The following FRMD4A variants were observed in gnomAD, a reference collection of about 807,000 sequenced individuals.
The protein encoded by FRMD4A is FERM domain-containing protein 4A.
Under a neutral mutation model 129.1 loss-of-function variants are expected in FRMD4A, and 29 were observed. The ratio of observed to expected loss-of-function variants is 0.22; its 90% CI spans 0.17 to 0.31. FRMD4A has a LOEUF of 0.31. Among genes scored for constraint, FRMD4A ranks in the 10% least tolerant of loss-of-function variants. The pLI is 1.00. For missense variants in FRMD4A, 1,272 were observed against 1,375.8 expected, an observed-to-expected ratio of 0.92 and a Z score of 1.19; for synonymous variants, 634 against 571.6, an observed-to-expected ratio of 1.11 and a Z score of -1.56.
chr10:14,167,623 C>CAATGGAT (rs1841257300), intron 2 of FRMD4A, among the ~76,000 whole-genome samples: 1 of 148,144 alleles, frequency 6.8e-6, no homozygotes, highest in Admixed American at 6.7e-5. Context: ...TTGCAAAAGG[C>CAATGGAT]AATGGATAAA....
chr10:13,847,180 G>A lies in FRMD4A; in HGVS notation c.111+11667C>T, dbSNP rs373979914. Among the ~76,000 whole-genome samples, 227 of 152,258 alleles carry A rather than the reference G, an allele frequency of 1.5e-3. 4 individuals are homozygous for A. Among genetic ancestry groups the A allele is most frequent in the African/African-American group, 5.2e-3 (218 of 41,550 alleles). ...AGGAGGAGTAGGAATGATGGGCTTC[G>A]GTTGCCATGAGGTGCTGGGGCTGCC... is the stretch of plus-strand genomic sequence containing the variant. On this transcript the variant is annotated intron_variant, in intron 3 of 24. Transcript: ENST00000357447.
chr10:14,124,153 A>T (rs759346564), intron 2 of FRMD4A, among the ~76,000 whole-genome samples: 5 of 152,140 alleles, frequency 3.3e-5, no homozygotes, highest in African/African-American at 4.8e-5. Context: ...GGGCCTCTTT[A>T]TTCAAGCACA....
At chr10:13,730,441 C>T (rs925506850) in intron 12 of FRMD4A, among the ~76,000 whole-genome samples, 12 of 152,140 alleles carry the variant, frequency 7.9e-5, no homozygotes, top group African/African-American at 1.9e-4. Flanking sequence ...ATGTTGCTAT[C>T]GACAGTCATT....
intron 2 of FRMD4A, among the ~76,000 whole-genome samples, chr10:13,888,461 G>T (rs566582143): frequency 3.3e-5 from 5 of 152,140 alleles, no homozygotes; most frequent in Non-Finnish European, 7.4e-5. Context: ...GGGGTGAACC[G>T]ATAAAAATGC....
intron 2 of FRMD4A, among the ~76,000 whole-genome samples, chr10:14,070,637 T>A (rs1588906885): frequency 6.6e-6 from 1 of 152,176 alleles, no homozygotes; most frequent in Non-Finnish European, 1.5e-5. Flanking sequence ...GCTTCTTTGG[T>A]CTGTTATCTA....
chr10:14,092,145 G>A (rs1016904629), intron 2 of FRMD4A, among the ~76,000 whole-genome samples: 20 of 151,986 alleles, frequency 1.3e-4, no homozygotes, highest in African/African-American at 3.6e-4. Context: ...GTGGTCCCAA[G>A]CTTCACACTC....
At chr10:13,950,673 C>T (rs763079042) in intron 2 of FRMD4A, among the ~76,000 whole-genome samples, 1 of 152,194 alleles carries the variant, frequency 6.6e-6, no homozygotes, top group Non-Finnish European at 1.5e-5. Context: ...TGTCTTCCCT[C>T]TCTTCCCACC....
intron 12 of FRMD4A, among the ~76,000 whole-genome samples, chr10:13,715,268 G>T (rs931393448): frequency 6.6e-5 from 10 of 152,030 alleles, no homozygotes; most frequent in Non-Finnish European, 1.0e-4. Context: ...AAAACGAGGG[G>T]GTGTGTGGGC....
intron 2 of FRMD4A, among the ~76,000 whole-genome samples, chr10:13,961,747 T>G (rs1164754197): frequency 6.6e-6 from 1 of 152,220 alleles, no homozygotes; most frequent in Non-Finnish European, 1.5e-5. Context: ...CCAATTTTAA[T>G]TTGACTTGAA....
At chr10:13,704,979 T>C (rs1197290758) in intron 13 of FRMD4A, among the ~76,000 whole-genome samples, 2 of 150,134 alleles carry the variant, frequency 1.3e-5, no homozygotes, top group East Asian at 3.9e-4. Context: ...GAGGCTGAGG[T>C]GGGAGAATTG....
intron 3 of FRMD4A, among the ~76,000 whole-genome samples, chr10:13,824,999 T>C (rs7918601): frequency 0.23 from 34,761 of 151,812 alleles, 4,414 homozygotes; most frequent in East Asian, 0.48. Flanking sequence ...CAGTCATTTT[T>C]CCCTCATTCC....
At chr10:14,122,819 T>C (rs1838605941) in intron 2 of FRMD4A, among the ~76,000 whole-genome samples, 1 of 152,144 alleles carries the variant, frequency 6.6e-6, no homozygotes, top group Non-Finnish European at 1.5e-5. Context: ...TCAGGGTTTA[T>C]AGCGATGTTT....
chr10:14,287,618 A>G (rs1365501093), intron 2 of FRMD4A, among the ~76,000 whole-genome samples: 1 of 152,208 alleles, frequency 6.6e-6, no homozygotes, highest in Admixed American at 6.5e-5. Context: ...AGTCACCAGC[A>G]ACGCTTATAA....
In FRMD4A at chr10:13,750,088, G is replaced by T. The variant is rs1018619036; in HGVS notation, c.465-2269C>A. Among the ~76,000 whole-genome samples, 399 of 78,924 alleles carry T rather than the reference G, an allele frequency of 5.1e-3. 6 individuals carry two copies. Among genetic ancestry groups the T allele is most frequent in the African/African-American group, 0.019 (370 of 19,330 alleles). The allele number at this position is 78,924 out of a possible 152,430, so 51.8% of individuals were successfully genotyped here. On this transcript the variant is annotated intron_variant, in intron 8 of 24. Transcript: ENST00000357447. ...AGGAAGGAAGAAAGAAAGAAAGAAA[G>T]AAAGAAAGAAAGAAAGAAATGAAGA...
chr10:13,910,823 T>C (rs1384422046), intron 2 of FRMD4A, among the ~76,000 whole-genome samples: 1 of 144,552 alleles, frequency 6.9e-6, no homozygotes, highest in Admixed American at 7.2e-5. Flanking sequence ...TTTTGCCCCG[T>C]GCATGTACCA....
At chr10:13,925,662 C>A (rs560894327) in intron 2 of FRMD4A, among the ~76,000 whole-genome samples, 1 of 137,492 alleles carries the variant, frequency 7.3e-6, no homozygotes, top group South Asian at 2.4e-4. Context: ...CGGCTCACTG[C>A]AACTTCCGCC....
At chr10:13,666,662 C>G (rs2083063581) in intron 17 of FRMD4A, among the ~76,000 whole-genome samples, 1 of 152,140 alleles carries the variant, frequency 6.6e-6, no homozygotes, top group Non-Finnish European at 1.5e-5. Flanking sequence ...AGATTCAGAG[C>G]CCAAGTGACT....
At chr10:13,746,427 A>G (rs1027107264) in intron 9 of FRMD4A, among the ~76,000 whole-genome samples, 1 of 151,698 alleles carries the variant, frequency 6.6e-6, no homozygotes, top group Admixed American at 6.6e-5. Flanking sequence ...GTTGGCCAGG[A>G]TGGTCTCGAT....
intron 12 of FRMD4A, among the ~76,000 whole-genome samples, chr10:13,736,505 G>T (rs898843107): frequency 6.6e-6 from 1 of 152,212 alleles, no homozygotes; most frequent in Admixed American, 6.5e-5. Context: ...CATTTGCTCA[G>T]CATCTTTTCT....
Sources: gnomAD v4.1 joint callset for allele counts (sites outside exome capture counted in the v4.1 genomes callset) on GRCh38, gnomAD v4.1.1 for gene constraint, MANE v1.5 for transcripts, NCBI Gene and HGNC (gene_info 2026-07-23, HGNC 2026-07-21) for gene names.